Variants in VWC2 observed in about 807,000 individuals in gnomAD.
The protein encoded by VWC2 is von Willebrand factor C domain containing 2.
In VWC2, 14 loss-of-function variants were observed where a neutral mutation model predicts 29.8. That is an observed-to-expected ratio of 0.47 (90% CI 0.31 to 0.74). The LOEUF (loss-of-function observed/expected upper bound fraction) is 0.74. Among genes scored for constraint, VWC2 ranks in the 30% least tolerant of loss-of-function variants. The pLI, the probability that VWC2 is intolerant of heterozygous loss-of-function variation, is 0.05. For missense variants in VWC2, 457 were observed against 459.8 expected (o/e 0.99, Z 0.05); for synonymous variants, 213 against 199.0 (o/e 1.07, Z -0.59).
intron 2 of VWC2, among the ~76,000 whole-genome samples, chr7:49,798,053 G>T (rs1788638154): frequency 6.6e-6 from 1 of 152,226 alleles, no homozygotes; most frequent in South Asian, 2.1e-4. Context: ...TGTGTCATCT[G>T]ATCGGAAAAA....
intron 3 of VWC2, 56 bp downstream of exon 3, chr7:49,802,896 A>C: frequency 6.2e-7 from 1 of 1,609,956 alleles, no homozygotes; most frequent in Non-Finnish European, 8.5e-7. Flanking sequence ...TGCACAACCC[A>C]TGTGCTGCTT....
At position 49,797,836 on chromosome 7, in the gene VWC2, AT is replaced by A. The variant is rs778818968; in HGVS notation, c.697-4874del. Among the ~76,000 whole-genome samples, 6 of 152,200 alleles carry A rather than the reference AT, an allele frequency of 3.9e-5. 1 individual carries two copies. The South Asian group carries it at 6.2e-4, about 16-fold the overall frequency. ...CCTTGAGAATGAATTCTTTTCTCAA[AT>A]GCCCAACTGTTTCTCCAGGCTACAC... On this transcript the variant is annotated intron_variant, in intron 2 of 3. Coordinates refer to ENST00000340652, the MANE Select transcript of VWC2 (RefSeq NM_198570.5).
chr7:49,870,580 C>A (rs1444083237), intron 3 of VWC2, among the ~76,000 whole-genome samples: 1 of 152,030 alleles, frequency 6.6e-6, no homozygotes, highest in Non-Finnish European at 1.5e-5. Flanking sequence ...GAATACAGGG[C>A]ATGTCTTACG....
intron 3 of VWC2, among the ~76,000 whole-genome samples, chr7:49,868,049 G>T (rs1047778441): frequency 1.3e-5 from 2 of 152,032 alleles, no homozygotes; most frequent in Non-Finnish European, 2.9e-5. Flanking sequence ...GACCAGGCTG[G>T]TCTCAAACTC....
intron 2 of VWC2, among the ~76,000 whole-genome samples, chr7:49,779,422 A>T (rs1019236430): frequency 7.9e-5 from 12 of 152,214 alleles, no homozygotes; most frequent in African/African-American, 2.9e-4. Context: ...TAATGTGTTC[A>T]TTCCTCCAGG....
intron 3 of VWC2, among the ~76,000 whole-genome samples, chr7:49,807,908 A>G (rs1260557538): frequency 1.3e-5 from 2 of 152,166 alleles, no homozygotes; most frequent in African/African-American, 4.8e-5. Context: ...ATCCAAATAA[A>G]GCAGAGAGAT....
intron 2 of VWC2, among the ~76,000 whole-genome samples, chr7:49,788,055 C>T (rs73108820): frequency 0.12 from 17,799 of 152,144 alleles, 1,271 homozygotes; most frequent in Middle Eastern, 0.16. Context: ...ACGGAGAAAC[C>T]ACAGTGGGTG....
chr7:49,859,594 G>A (rs1371880195), intron 3 of VWC2, among the ~76,000 whole-genome samples: 1 of 152,190 alleles, frequency 6.6e-6, no homozygotes, highest in Non-Finnish European at 1.5e-5. Flanking sequence ...GTGCATTGAC[G>A]TCTGGGCTTT....
In VWC2 at chr7:49,775,564, G is replaced by A. The variant is rs1185491850; in HGVS notation, c.129G>A (p.Pro43=). The stretch of plus-strand genomic sequence containing the variant: ...AGCTGGCCCAGGCACCAGAGCAGCC[G>A]GGCCAGGAGAAGCGTGAGCACGCCT... ...LEKLAQAPEQ[P]GQEKREHASR... The change falls in exon 2 of 4, where the codon CCG becomes CCA. Residue 43 remains proline, a synonymous_variant. Coordinates refer to ENST00000340652, the MANE Select transcript of VWC2 (RefSeq NM_198570.5). The A allele has an allele frequency of 1.9e-6, 3 of 1,546,642 alleles. No individual in the cohort carries two copies. Among genetic ancestry groups the A allele is most frequent in the Non-Finnish European group, 2.6e-6 (3 of 1,149,160 alleles).
chr7:49,911,933 A>ACACACACT, intron 3 of VWC2, 101 bp from the exon 4 acceptor site: 1 of 859,014 alleles, frequency 1.2e-6, no homozygotes, highest in Non-Finnish European at 1.6e-6. Context: ...GCACACACAC[A>ACACACACT]CACACACACA....
chr7:49,814,980 A>G (rs1789102769), intron 3 of VWC2, among the ~76,000 whole-genome samples: 1 of 152,190 alleles, frequency 6.6e-6, no homozygotes, highest in Admixed American at 6.6e-5. Flanking sequence ...TTCTTATGCC[A>G]TTGATACTGA....
At chr7:49,837,254 C>T (rs1789685308) in intron 3 of VWC2, among the ~76,000 whole-genome samples, 1 of 152,152 alleles carries the variant, frequency 6.6e-6, no homozygotes, top group African/African-American at 2.4e-5. Flanking sequence ...ATGAACCATG[C>T]AAACATTTTG....
intron 3 of VWC2, among the ~76,000 whole-genome samples, chr7:49,833,955 A>T (rs746064754): frequency 5.3e-5 from 8 of 152,238 alleles, no homozygotes; most frequent in Non-Finnish European, 1.0e-4. Flanking sequence ...AAGCAACCAA[A>T]GCAGATAAAG....
At chr7:49,886,600 A>AT (rs1309736976) in intron 3 of VWC2, among the ~76,000 whole-genome samples, 1 of 151,696 alleles carries the variant, frequency 6.6e-6, no homozygotes, top group African/African-American at 2.4e-5. Flanking sequence ...GTAGTGTAGT[A>AT]TTTTTTTTAC....
intron 3 of VWC2, among the ~76,000 whole-genome samples, chr7:49,841,012 T>C (rs115230669): frequency 0.011 from 1,690 of 152,304 alleles, 24 homozygotes; most frequent in African/African-American, 0.038. Context: ...TTTTTCAAGA[T>C]TGGATGCCAC....
chr7:49,831,682 T>G (rs536998211), intron 3 of VWC2, among the ~76,000 whole-genome samples: 64 of 152,244 alleles, frequency 4.2e-4, no homozygotes, highest in African/African-American at 1.5e-3. Context: ...TTAGCTACAA[T>G]GAGAAGAGTT....
chr7:49,906,683 G>T (rs1793114818), intron 3 of VWC2, among the ~76,000 whole-genome samples: 1 of 152,152 alleles, frequency 6.6e-6, no homozygotes, highest in South Asian at 2.1e-4. Flanking sequence ...TTCTTACCAA[G>T]AATTATTATT....
intron 3 of VWC2, among the ~76,000 whole-genome samples, chr7:49,876,836 G>T (rs969202917): frequency 6.6e-6 from 1 of 151,770 alleles, no homozygotes; most frequent in African/African-American, 2.4e-5. Context: ...TATTTGCTCA[G>T]CCTTCATATC....
intron 3 of VWC2, among the ~76,000 whole-genome samples, chr7:49,803,388 G>A (rs1034504910): frequency 6.6e-6 from 1 of 152,156 alleles, no homozygotes; most frequent in Non-Finnish European, 1.5e-5. Flanking sequence ...CCTGACAAAC[G>A]ATGATTACTC....
Sources: gnomAD v4.1 joint callset for allele counts (sites outside exome capture counted in the v4.1 genomes callset) on GRCh38, gnomAD v4.1.1 for gene constraint, MANE v1.5 for transcripts, NCBI Gene and HGNC (gene_info 2026-07-23, HGNC 2026-07-21) for gene names.